RANBP2: variants seen among roughly 807,000 people sequenced by gnomAD.
The protein encoded by RANBP2 is RAN binding protein 2.
Under a neutral mutation model 303.6 loss-of-function variants are expected in RANBP2, and 57 were observed. That is an observed-to-expected ratio of 0.19 (90% CI 0.15 to 0.23). RANBP2 has a LOEUF of 0.23. RANBP2 is among the 10% of genes least tolerant of loss of function. The pLI, the probability that RANBP2 is intolerant of heterozygous loss-of-function variation, is 1.00. For missense variants in RANBP2, 3,138 were observed against 3,780.8 expected (o/e 0.83, Z 4.46); for synonymous variants, 1,167 against 1,301.5 (o/e 0.90, Z 2.23).
At chr2:108,925,059 G>A in the RANBP2 span, among the ~76,000 whole-genome samples, 1 of 152,004 alleles carries the variant, frequency 6.6e-6, no homozygotes, top group Admixed American at 6.6e-5. Flanking sequence ...CTACCTCCAC[G>A]CATTCTCTCT....
At chr2:109,678,671 C>G in the RANBP2 span, among the ~76,000 whole-genome samples, 9 of 152,248 alleles carry the variant, frequency 5.9e-5, no homozygotes, top group Admixed American at 3.3e-4. Flanking sequence ...TTTCCCTGAA[C>G]TGTGCCCAAG....
the RANBP2 span, among the ~76,000 whole-genome samples, chr2:108,875,337 G>A: frequency 9.4e-4 from 124 of 132,606 alleles, 2 homozygotes; most frequent in East Asian, 0.015. Flanking sequence ...AAAAAAAAAA[G>A]AAACAAATTC....
the RANBP2 span, among the ~76,000 whole-genome samples, chr2:109,349,048 G>T: frequency 6.6e-6 from 1 of 151,768 alleles, no homozygotes; most frequent in Non-Finnish European, 1.5e-5. Context: ...ACACACACAC[G>T]CACAGAGTTG....
chr2:109,365,605 G>C, the RANBP2 span, among the ~76,000 whole-genome samples: 1 of 152,114 alleles, frequency 6.6e-6, no homozygotes, highest in Non-Finnish European at 1.5e-5. Context: ...CTATTGAATG[G>C]TGTGTGTGCT....
chr2:108,907,541 G>T, the RANBP2 span, among the ~76,000 whole-genome samples: 4 of 152,030 alleles, frequency 2.6e-5, no homozygotes, highest in African/African-American at 9.7e-5. Context: ...CTAGCTACTT[G>T]GGAGGCTGAG....
At chr2:109,457,827 A>T in the RANBP2 span, among the ~76,000 whole-genome samples, 1 of 152,104 alleles carries the variant, frequency 6.6e-6, no homozygotes, top group African/African-American at 2.4e-5. Flanking sequence ...CACCCCATAA[A>T]CTACATCAGA....
chr2:108,735,736 A>G lies in RANBP2; in HGVS notation c.610A>G (p.Asn204Asp), dbSNP rs1695525651. Residue 204 changes from asparagine to aspartate, a missense_variant, in exon 5 of 29, where the codon AAT becomes GAT. Asn to Asp is a conservative substitution (Grantham distance 23, BLOSUM62 1). This residue lies in a region of RANBP2 where 306 missense variants were observed against 381.9 expected (regional missense o/e 0.80). Coordinates refer to ENST00000283195, the MANE Select transcript of RANBP2 (RefSeq NM_006267.5). Reference protein sequence around the residue: ...NIALRSSLEWNSCVVQTLKEY... With the variant: ...NIALRSSLEWDSCVVQTLKEY... ...AGCTTTGCGTTCAAGTTTAGAATGGAATTCGTGTGTTGTACAGACCCTTAA... is the reference window on the plus strand; with the variant it reads ...AGCTTTGCGTTCAAGTTTAGAATGGGATTCGTGTGTTGTACAGACCCTTAA... 6.3e-7 allele frequency: 1 copy of G among 1,597,580 alleles called. No individual in the cohort carries two copies. Among genetic ancestry groups the G allele is most frequent in the Non-Finnish European group, 8.5e-7 (1 of 1,179,782 alleles).
At chr2:109,730,081 C>T in the RANBP2 span, among the ~76,000 whole-genome samples, 1 of 152,300 alleles carries the variant, frequency 6.6e-6, no homozygotes, top group South Asian at 2.1e-4. Flanking sequence ...TTACAGGTCC[C>T]TCCCTCAACA....
intron 21 of RANBP2, 109 bp from the exon 22 acceptor site, chr2:108,772,380 C>A: frequency 1.3e-6 from 1 of 798,716 alleles, no homozygotes; most frequent in Non-Finnish European, 2.1e-6. Flanking sequence ...ATAAAATTGG[C>A]TGCAATTCAG....
the RANBP2 span, among the ~76,000 whole-genome samples, chr2:109,315,912 C>T: frequency 8.5e-5 from 13 of 152,278 alleles, no homozygotes; most frequent in East Asian, 1.7e-3. Context: ...CAGCATAGGT[C>T]TGTGTCTCTG....
the RANBP2 span, among the ~76,000 whole-genome samples, chr2:109,561,345 C>G: frequency 1.3e-5 from 2 of 152,174 alleles, no homozygotes; most frequent in East Asian, 1.9e-4. Flanking sequence ...GGAACCCCCC[C>G]ACCCACACAA....
At chr2:108,988,485 G>A in the RANBP2 span, among the ~76,000 whole-genome samples, 1 of 152,168 alleles carries the variant, frequency 6.6e-6, no homozygotes. Context: ...CAGGATATGG[G>A]GGGTCTCAGA....
the RANBP2 span, among the ~76,000 whole-genome samples, chr2:109,763,989 A>G: frequency 2.1e-5 from 3 of 144,664 alleles, no homozygotes; most frequent in African/African-American, 7.7e-5. Context: ...ATAATTCACA[A>G]CTACCTCCTT....
chr2:109,615,809 C>T, the RANBP2 span: 1 of 1,614,164 alleles, frequency 6.2e-7, no homozygotes, highest in Non-Finnish European at 8.5e-7. Flanking sequence ...ACCATCACCA[C>T]CATCACCACT....
the RANBP2 span, among the ~76,000 whole-genome samples, chr2:109,199,128 G>A: frequency 6.6e-6 from 1 of 152,042 alleles, no homozygotes; most frequent in South Asian, 2.1e-4. Flanking sequence ...GGGAGGCTGA[G>A]GCGGGTGGAT....
chr2:109,514,262 T>G, the RANBP2 span, among the ~76,000 whole-genome samples: 8 of 152,198 alleles, frequency 5.3e-5, no homozygotes, highest in African/African-American at 1.7e-4. Context: ...GATTCATAAC[T>G]TGGTTACGGC....
At chr2:109,271,894 A>G in the RANBP2 span, among the ~76,000 whole-genome samples, 1 of 152,250 alleles carries the variant, frequency 6.6e-6, no homozygotes, top group Admixed American at 6.5e-5. Context: ...CAGAATTGAG[A>G]TTCTAACCGC....
At chr2:109,179,980 A>G in the RANBP2 span, among the ~76,000 whole-genome samples, 1 of 152,142 alleles carries the variant, frequency 6.6e-6, no homozygotes, top group Non-Finnish European at 1.5e-5. Flanking sequence ...TGTTCTTAAA[A>G]AGACTCTTTG....
the RANBP2 span, among the ~76,000 whole-genome samples, chr2:109,731,481 G>A: frequency 2.7e-5 from 4 of 150,564 alleles, no homozygotes; most frequent in Non-Finnish European, 4.4e-5. Context: ...TGCTACCTCC[G>A]CCTCCCAGGT....
Sources: allele counts gnomAD v4.1 joint callset (sites outside exome capture counted in the v4.1 genomes callset), GRCh38; gene constraint gnomAD v4.1.1; regional missense constraint gnomAD v4.1.1; transcripts MANE v1.5; gene names NCBI Gene and HGNC (gene_info 2026-07-23, HGNC 2026-07-21).